Variants in STAU2 observed in about 807,000 individuals in gnomAD.
STAU2 encodes staufen double-stranded RNA binding protein 2, also known as double-stranded RNA-binding protein Staufen homolog 2.
STAU2 carries 20 observed loss-of-function variants against 65.9 expected under a neutral mutation model. The observed-to-expected ratio is 0.30, with a 90% CI of 0.21 to 0.44. STAU2 has a LOEUF of 0.44. Among genes scored for constraint, STAU2 ranks in the 20% least tolerant of loss-of-function variants. The probability of loss-of-function intolerance (pLI) is 1.00; values close to 1 mark genes in which losing one functional copy is unlikely to be tolerated. For synonymous variants in STAU2, 232 were observed against 233.9 expected, an observed-to-expected ratio of 0.99 and a Z score of 0.07; for missense variants, 558 against 683.9, an observed-to-expected ratio of 0.82 and a Z score of 2.05.
rs373405572 is a variant in STAU2 at position 73,658,943 on chromosome 8, C to CAACAA, written c.410+14163_410+14164insTTGTT. ...ACAACAACAACAACAACAAAAACAA[C>CAACAA]AAAAAAAAAAAACCAACCATACTTA... On this transcript the variant is annotated intron_variant, in intron 6 of 14. Coordinates refer to ENST00000524300, the MANE Select transcript of STAU2 (RefSeq NM_001164380.2). Among the ~76,000 whole-genome samples the CAACAA allele has an allele frequency of 3.3e-3, 472 of 141,946 alleles. 5 individuals carry two copies. Among genetic ancestry groups the CAACAA allele is most frequent in the African/African-American group, 0.011 (450 of 39,408 alleles). 93.1% of individuals were successfully genotyped at this position (141,946 alleles called of 152,430 possible).
In STAU2 at chr8:73,500,648, C is replaced by T. The variant is rs948149844; in HGVS notation, c.1530+51364G>A. Reference sequence around the variant, plus strand: ...GTTATATTTTCGATTAGAAAATTAACCATATGATCTTAGTGGCAATAAGAA... The same window carrying T: ...GTTATATTTTCGATTAGAAAATTAATCATATGATCTTAGTGGCAATAAGAA... On this transcript the variant is annotated intron_variant, in intron 13 of 14. Coordinates refer to ENST00000524300, the MANE Select transcript of STAU2 (RefSeq NM_001164380.2). Among the ~76,000 whole-genome samples the T allele has an allele frequency of 5.3e-5, 8 of 151,838 alleles. No individual in the cohort carries two copies. In the East Asian group the frequency reaches 1.6e-3, roughly 30 times the overall value.
chr8:73,509,032 G>A (rs1404307985), intron 13 of STAU2, among the ~76,000 whole-genome samples: 1 of 152,120 alleles, frequency 6.6e-6, no homozygotes, highest in East Asian at 1.9e-4. Flanking sequence ...GAAATTGCTG[G>A]ATCATGTGGT....
intron 13 of STAU2, among the ~76,000 whole-genome samples, chr8:73,447,802 C>A (rs60783419): frequency 0.041 from 6,290 of 152,172 alleles, 324 homozygotes; most frequent in African/African-American, 0.12. Flanking sequence ...TTTCCTCCCC[C>A]CTCTGGGTGG....
intron 13 of STAU2, among the ~76,000 whole-genome samples, chr8:73,500,994 G>A (rs1395923444): frequency 2.6e-5 from 4 of 151,768 alleles, no homozygotes; most frequent in Non-Finnish European, 4.4e-5. Context: ...AGCAGTCTTC[G>A]AAGGCAAACA....
chr8:73,685,526 G>T (rs903593436), intron 5 of STAU2, among the ~76,000 whole-genome samples: 2 of 151,808 alleles, frequency 1.3e-5, no homozygotes, highest in Non-Finnish European at 2.9e-5. Flanking sequence ...ACAGGGGCCC[G>T]CCACTGCCCG....
At chr8:73,543,045 G>A (rs1032086596) in intron 13 of STAU2, among the ~76,000 whole-genome samples, 8 of 152,072 alleles carry the variant, frequency 5.3e-5, no homozygotes, top group African/African-American at 1.9e-4. Context: ...TCCATCAACA[G>A]GCAAACTGAA....
chr8:73,689,499 T>G (rs1819175996), intron 4 of STAU2, among the ~76,000 whole-genome samples: 1 of 152,152 alleles, frequency 6.6e-6, no homozygotes, highest in Non-Finnish European at 1.5e-5. Context: ...GTTAAAACCC[T>G]TCAACTGTTC....
intron 12 of STAU2, among the ~76,000 whole-genome samples, chr8:73,556,468 A>T (rs1365377490): frequency 6.6e-6 from 1 of 152,114 alleles, no homozygotes; most frequent in Non-Finnish European, 1.5e-5. Flanking sequence ...TACTATAAAA[A>T]ATCTTAAGGC....
chr8:73,674,715 A>G (rs1817919257), intron 5 of STAU2, among the ~76,000 whole-genome samples: 1 of 149,610 alleles, frequency 6.7e-6, no homozygotes, highest in Non-Finnish European at 1.5e-5. Flanking sequence ...ATATATATAT[A>G]AAATATACAT....
intron 3 of STAU2, among the ~76,000 whole-genome samples, chr8:73,727,112 C>A (rs1296502603): frequency 2.0e-5 from 3 of 152,096 alleles, no homozygotes; most frequent in Non-Finnish European, 4.4e-5. Flanking sequence ...TGCCTGTAAT[C>A]CCAGCTACTG....
At chr8:73,650,272 T>A (rs1029350539) in intron 6 of STAU2, among the ~76,000 whole-genome samples, 1 of 152,134 alleles carries the variant, frequency 6.6e-6, no homozygotes, top group Non-Finnish European at 1.5e-5. Flanking sequence ...AAATTTTTTT[T>A]AAGTATAAAT....
intron 3 of STAU2, chr8:73,728,057 T>C (rs1301794100): frequency 1.3e-5 from 2 of 152,240 alleles, no homozygotes; most frequent in African/African-American, 4.8e-5. Context: ...TTTTTTTTGC[T>C]GTTGAGTTGT....
chr8:73,522,776 C>A (rs1356325010), intron 13 of STAU2, among the ~76,000 whole-genome samples: 1 of 152,158 alleles, frequency 6.6e-6, no homozygotes, highest in Non-Finnish European at 1.5e-5. Context: ...GCAAACCCAG[C>A]CTGAATGACT....
At chr8:73,742,118 A>T in intron 1 of STAU2, 1 of 726,726 alleles carries the variant, frequency 1.4e-6, no homozygotes, top group Non-Finnish European at 1.7e-6. Flanking sequence ...CGTCTTTAAG[A>T]CTCTGTTTCT....
intron 2 of STAU2, among the ~76,000 whole-genome samples, 186 bp from the exon 3 acceptor site, chr8:73,738,535 T>C (rs1407579329): frequency 6.6e-6 from 1 of 152,234 alleles, no homozygotes; most frequent in East Asian, 1.9e-4. Context: ...ATTAGCCACA[T>C]GTGGCTACTG....
chr8:73,642,305 A>ACC (rs1458493954), intron 6 of STAU2, among the ~76,000 whole-genome samples: 3 of 152,092 alleles, frequency 2.0e-5, no homozygotes, highest in African/African-American at 7.2e-5. Flanking sequence ...TGGGTGGATC[A>ACC]TGAGGTCAGG....
At chr8:73,587,176 T>G (rs1035740533) in intron 11 of STAU2, among the ~76,000 whole-genome samples, 3 of 152,138 alleles carry the variant, frequency 2.0e-5, no homozygotes, top group African/African-American at 7.2e-5. Context: ...AAGGGTGCGA[T>G]GCCTTCCCAA....
chr8:73,693,469 C>T (rs7014021), intron 4 of STAU2, among the ~76,000 whole-genome samples: 29,478 of 141,664 alleles, frequency 0.21, 3,377 homozygotes, highest in East Asian at 0.37. Flanking sequence ...AGTGAGACTC[C>T]GTCTCAAAAA....
chr8:73,745,441 T>A lies in STAU2; in HGVS notation c.-197+1342A>T, dbSNP rs1311373139. 4.6e-5 allele frequency among the ~76,000 whole-genome samples: 7 copies of A among 152,186 alleles called. No homozygotes were observed. In the South Asian group the frequency reaches 1.4e-3, roughly 31 times the overall value. On this transcript the variant is annotated intron_variant, in intron 1 of 14. Transcript: ENST00000524300. The stretch of plus-strand genomic sequence containing the variant: ...GAAATATCCTGGAGAAATGTTGAAA[T>A]CTTTTCTCCTCCAAGGTTACTATCA...
Sources: gnomAD v4.1 joint callset for allele counts (sites outside exome capture counted in the v4.1 genomes callset) on GRCh38, gnomAD v4.1.1 for gene constraint, MANE v1.5 for transcripts, NCBI Gene and HGNC (gene_info 2026-07-23, HGNC 2026-07-21) for gene names.